Variants in KHDRBS2 observed in about 807,000 individuals in gnomAD.
KHDRBS2 encodes the protein KH domain-containing, RNA-binding, signal transduction-associated protein 2.
Under a neutral mutation model 44.3 loss-of-function variants are expected in KHDRBS2, and 26 were observed. The ratio of observed to expected loss-of-function variants is 0.59; its 90% confidence interval spans 0.43 to 0.81. The LOEUF is 0.81. KHDRBS2 is among the 40% of genes least tolerant of loss of function. KHDRBS2 has a pLI of 0.00. For synonymous variants in KHDRBS2, 194 were observed against 151.1 expected, an observed-to-expected ratio of 1.28 and a Z score of -2.08; for missense variants, 476 against 433.1, an observed-to-expected ratio of 1.10 and a Z score of -0.88.
intron 6 of KHDRBS2, among the ~76,000 whole-genome samples, chr6:61,747,469 T>A (rs941829961): frequency 6.6e-6 from 1 of 152,176 alleles, no homozygotes; most frequent in African/African-American, 2.4e-5. Flanking sequence ...ATTTTTTCAA[T>A]TAGAAAGAAT....
chr6:61,654,837 G>T, the KHDRBS2 span, among the ~76,000 whole-genome samples: 10 of 151,738 alleles, frequency 6.6e-5, no homozygotes, highest in South Asian at 1.9e-3. Context: ...CTTGAGTCGT[G>T]AGAGGCAGAG....
intron 4 of KHDRBS2, among the ~76,000 whole-genome samples, chr6:61,914,832 C>T (rs1489128152): frequency 2.0e-5 from 3 of 151,872 alleles, no homozygotes; most frequent in East Asian, 1.9e-4. Flanking sequence ...GTCTGTTAAT[C>T]ATAAAAAGGA....
intron 3 of KHDRBS2, among the ~76,000 whole-genome samples, chr6:62,041,251 A>T (rs560274812): frequency 3.9e-5 from 6 of 152,042 alleles, no homozygotes; most frequent in Non-Finnish European, 5.9e-5. Flanking sequence ...GAATCACTTG[A>T]ACCCAGGAGG....
chr6:62,246,623 G>A (rs886195168), intron 1 of KHDRBS2, among the ~76,000 whole-genome samples: 2 of 151,928 alleles, frequency 1.3e-5, no homozygotes, highest in African/African-American at 4.8e-5. Flanking sequence ...AAGACATAGA[G>A]CCATTTTCAA....
chr6:62,234,107 A>G (rs950349753), intron 1 of KHDRBS2, among the ~76,000 whole-genome samples: 3 of 152,278 alleles, frequency 2.0e-5, no homozygotes, highest in Admixed American at 1.3e-4. Context: ...ATAACTGCCT[A>G]TAATAATCAT....
At chr6:61,782,350 T>C (rs1487490414) in intron 6 of KHDRBS2, among the ~76,000 whole-genome samples, 1 of 152,008 alleles carries the variant, frequency 6.6e-6, no homozygotes, top group Non-Finnish European at 1.5e-5. Context: ...GAGTTGCTAG[T>C]TTTATGCTCC....
chr6:61,714,109 C>T (rs1490307421), intron 7 of KHDRBS2, among the ~76,000 whole-genome samples: 1 of 151,774 alleles, frequency 6.6e-6, no homozygotes, highest in African/African-American at 2.4e-5. Flanking sequence ...GAGCAGACAA[C>T]CTGCAGAATG....
chr6:62,174,768 G>A (rs1349193324), intron 2 of KHDRBS2, among the ~76,000 whole-genome samples: 2 of 151,772 alleles, frequency 1.3e-5, no homozygotes, highest in Admixed American at 1.3e-4. Context: ...GGTTCTGAGA[G>A]AAAGCTGTAT....
intron 2 of KHDRBS2, among the ~76,000 whole-genome samples, chr6:62,106,965 G>A (rs1270677299): frequency 6.6e-6 from 1 of 152,046 alleles, no homozygotes; most frequent in Admixed American, 6.5e-5. Flanking sequence ...AGCCATCTAA[G>A]ACAAACCCAC....
chr6:61,884,622 A>G (rs1800659444), intron 6 of KHDRBS2, among the ~76,000 whole-genome samples: 1 of 152,066 alleles, frequency 6.6e-6, no homozygotes. Context: ...CCACAGGGTG[A>G]AATGTTCTGA....
intron 1 of KHDRBS2, among the ~76,000 whole-genome samples, chr6:62,186,369 T>A (rs1459405896): frequency 6.6e-6 from 1 of 152,048 alleles, no homozygotes; most frequent in African/African-American, 2.4e-5. Context: ...ATCATTTTAT[T>A]TACTTGCATT....
intron 2 of KHDRBS2, among the ~76,000 whole-genome samples, chr6:62,057,708 T>C (rs1288729723): frequency 6.6e-6 from 1 of 151,966 alleles, no homozygotes; most frequent in African/African-American, 2.4e-5. Flanking sequence ...AACACAGCTG[T>C]GTTTTCAGTG....
At chr6:61,579,631 A>T in the KHDRBS2 span, among the ~76,000 whole-genome samples, 93,624 of 152,006 alleles carry the variant, frequency 0.62, 29,061 homozygotes, top group Non-Finnish European at 0.65. Context: ...GTAAAAATTT[A>T]TATAAGAAAA....
the KHDRBS2 span, among the ~76,000 whole-genome samples, chr6:61,558,294 G>T: frequency 6.6e-6 from 1 of 152,086 alleles, no homozygotes; most frequent in Non-Finnish European, 1.5e-5. Context: ...GGGTGCAGTG[G>T]CTCACACCTG....
chr6:61,716,602 G>GA (rs1054743151), intron 7 of KHDRBS2, among the ~76,000 whole-genome samples: 2 of 151,776 alleles, frequency 1.3e-5, no homozygotes, highest in African/African-American at 4.8e-5. Flanking sequence ...TCCTAATGTT[G>GA]AAAAAACGAT....
At chr6:62,062,167 A>C (rs1319464927) in intron 2 of KHDRBS2, among the ~76,000 whole-genome samples, 1 of 148,386 alleles carries the variant, frequency 6.7e-6, no homozygotes. Flanking sequence ...AGACTCCCAC[A>C]CATTAATAAT....
intron 1 of KHDRBS2, among the ~76,000 whole-genome samples, chr6:62,202,317 A>G (rs1827164650): frequency 1.3e-5 from 2 of 152,108 alleles, no homozygotes; most frequent in Admixed American, 6.6e-5. Context: ...ATCTGTTGGT[A>G]ACCTAAAAAC....
chr6:62,223,913 A>G (rs1831323673), intron 1 of KHDRBS2, among the ~76,000 whole-genome samples: 1 of 152,120 alleles, frequency 6.6e-6, no homozygotes, highest in South Asian at 2.1e-4. Flanking sequence ...AGGAAGTTCC[A>G]AACTCTCCCA....
chr6:62,183,956 A>G (rs1419272766), intron 1 of KHDRBS2, among the ~76,000 whole-genome samples: 1 of 151,730 alleles, frequency 6.6e-6, no homozygotes, highest in African/African-American at 2.4e-5. Flanking sequence ...GACAACTTAT[A>G]TTTAAATAAT....
Sources: allele counts gnomAD v4.1 joint callset (sites outside exome capture counted in the v4.1 genomes callset), GRCh38; gene constraint gnomAD v4.1.1; transcripts MANE v1.5; gene names NCBI Gene and HGNC (gene_info 2026-07-23, HGNC 2026-07-21).